Variants in DNAJC13 observed in about 807,000 individuals in gnomAD.
DNAJC13 encodes DnaJ heat shock protein family (Hsp40) member C13.
A neutral mutation model predicts 290.5 loss-of-function variants in DNAJC13; 75 were observed. That is an observed-to-expected ratio of 0.26 (90% CI 0.21 to 0.31). DNAJC13 has a LOEUF of 0.31. DNAJC13 is among the 10% of genes least tolerant of loss of function. The pLI is 1.00. For missense variants in DNAJC13, 2,260 were observed against 2,674.5 expected (o/e 0.85, Z 3.42); for synonymous variants, 862 against 892.0 (o/e 0.97, Z 0.60).
rs1933783425 is a variant in DNAJC13, at chr3:132,461,175, C to T, written c.1683C>T (p.Ser561=). ...ATATGCTCTTGGAGATGGTAGCATCCAATGGAAGAACCCTTTTTAAACTTT... is the reference window on the plus strand; with the variant it reads ...ATATGCTCTTGGAGATGGTAGCATCTAATGGAAGAACCCTTTTTAAACTTT... ...QFDMLLEMVA[S]NGRTLFKLFQ... is the part of the protein sequence containing the mutation. The change falls in exon 15 of 56, where the codon TCC becomes TCT. Residue 561 remains serine (S), a synonymous_variant. Transcript: ENST00000260818. The T allele has an allele frequency of 6.2e-7, 1 of 1,613,860 alleles. No homozygotes were observed. Among genetic ancestry groups the T allele is most frequent in the South Asian group, 1.1e-5 (1 of 91,082 alleles).
At chr3:132,442,811 G>A (rs1933116168) in intron 2 of DNAJC13, among the ~76,000 whole-genome samples, 1 of 152,190 alleles carries the variant, frequency 6.6e-6, no homozygotes, top group South Asian at 2.1e-4. Context: ...AAAGAAAACA[G>A]GTGCAGTAGG....
At chr3:132,489,503 T>G (rs1178774468) in intron 31 of DNAJC13, among the ~76,000 whole-genome samples, 1 of 151,928 alleles carries the variant, frequency 6.6e-6, no homozygotes, top group African/African-American at 2.4e-5. Flanking sequence ...AAAAAAAAAC[T>G]TATTTAGGTA....
At chr3:132,451,587 C>T (rs1440448169) in intron 6 of DNAJC13, among the ~76,000 whole-genome samples, 7 of 151,882 alleles carry the variant, frequency 4.6e-5, no homozygotes, top group South Asian at 2.1e-4. Context: ...CAAAGATGTG[C>T]GGTAGAGAAA....
chr3:132,506,781 A>G (rs987981924), intron 42 of DNAJC13, among the ~76,000 whole-genome samples: 4 of 151,106 alleles, frequency 2.6e-5, no homozygotes, highest in Non-Finnish European at 5.9e-5. Flanking sequence ...CGATCTCTTG[A>G]CCTCATGATC....
Position 132,502,301 on chromosome 3 carries a change from G to T in DNAJC13, c.4549G>T (p.Val1517Leu), listed in dbSNP as rs772420158. 1.3e-5 allele frequency: 21 copies of T among 1,610,278 alleles called. No individual in the cohort carries two copies. The South Asian group carries it at 2.1e-4, about 16-fold the overall frequency. Reference protein sequence around the residue: ...VLYFGKSIPRVAALGVECVSS... With the variant: ...VLYFGKSIPRLAALGVECVSS... ...TTTATTCTCTCAGAGTATTCCCCGC[G>T]TAGCTGCTCTTGGGGTAGAATGTGT... The change falls in exon 40 of 56, where the codon GTA becomes TTA. Residue 1517 changes from valine to leucine, a missense_variant. Coordinates refer to ENST00000260818, the MANE Select transcript of DNAJC13 (RefSeq NM_015268.4).
intron 29 of DNAJC13, among the ~76,000 whole-genome samples, chr3:132,486,176 C>T (rs1262498162): frequency 8.1e-6 from 1 of 122,884 alleles, no homozygotes; most frequent in African/African-American, 3.1e-5. Context: ...GTGGACATTT[C>T]CATTCGTATC....
rs777432126 is a variant in DNAJC13, at chr3:132,456,334, G to T, written c.1032G>T (p.Gly344=). ...CAACCCATAAAGGTCAGCGATGGGG[G>T]TTACTCAGCATGCCTGTTGATGAGG... The part of the protein sequence containing the change: ...MTPTHKGQRW[G]LLSMPVDEEV... Residue 344 remains glycine, a synonymous_variant, in exon 10 of 56, where the codon GGG becomes GGT. Transcript: ENST00000260818. 6.2e-7 allele frequency: 1 copy of T among 1,614,002 alleles called. No individual in the cohort carries two copies. Among genetic ancestry groups the T allele is most frequent in the East Asian group, 2.2e-5 (1 of 44,876 alleles).
chr3:132,460,228 GT>G (rs57140786), intron 13 of DNAJC13, 21 bp from the exon 14 acceptor site: 200,612 of 1,191,582 alleles, frequency 0.17, 7,468 homozygotes, highest in East Asian at 0.49. Flanking sequence ...AATTATCACT[GT>G]TTTTTTTTTT....
intron 55 of DNAJC13, among the ~76,000 whole-genome samples, chr3:132,536,651 G>T (rs1219729762): frequency 6.6e-6 from 1 of 152,166 alleles, no homozygotes; most frequent in Non-Finnish European, 1.5e-5. Flanking sequence ...GGATGGTTTT[G>T]CAGTAATCAT....
Position 132,454,048 on chromosome 3 carries a change from T to C in DNAJC13, c.841-18T>C. 6.4e-7 allele frequency: 1 copy of C among 1,555,736 alleles called. No individual in the cohort carries two copies. Among genetic ancestry groups the C allele is most frequent in the Non-Finnish European group, 8.7e-7 (1 of 1,150,974 alleles). On this transcript the variant is annotated intron_variant, in intron 8 of 55. Coordinates refer to ENST00000260818, the MANE Select transcript of DNAJC13 (RefSeq NM_015268.4). The stretch of plus-strand genomic sequence containing the variant: ...ATAAACTTTTTTTTGTTGAAGCTAT[T>C]TTTTGTTTTTTCATTAGGTATTTGC...
At chr3:132,528,059 A>T in intron 53 of DNAJC13, 130 bp from the exon 54 acceptor site, 1 of 894,964 alleles carries the variant, frequency 1.1e-6, no homozygotes, top group Non-Finnish European at 1.7e-6. Flanking sequence ...TAGATACTTA[A>T]GCCTGTGTAT....
intron 1 of DNAJC13, among the ~76,000 whole-genome samples, chr3:132,418,059 C>G (rs578036498): frequency 6.6e-6 from 1 of 152,262 alleles, no homozygotes; most frequent in South Asian, 2.1e-4. Flanking sequence ...CCTTACCCCA[C>G]AGGCTCTTCA....
chr3:132,432,202 G>GTTTTT (rs1939258288), intron 1 of DNAJC13, among the ~76,000 whole-genome samples: 1 of 151,708 alleles, frequency 6.6e-6, no homozygotes, highest in African/African-American at 2.4e-5. Context: ...GTTTTGTTTT[G>GTTTTT]TTTTTGTTTT....
intron 14 of DNAJC13, 80 bp downstream of exon 14, chr3:132,460,437 T>G: frequency 5.5e-6 from 1 of 182,900 alleles, no homozygotes; most frequent in Non-Finnish European, 1.0e-5. Flanking sequence ...ACGTGGATGA[T>G]TTTTTTTTTT....
Position 132,483,647 on chromosome 3 carries a change from G to C in DNAJC13, c.3182+70G>C, listed in dbSNP as rs894726962. The C allele has an allele frequency of 1.1e-5, 16 of 1,482,758 alleles. No individual in the cohort carries two copies. In the African/African-American group the frequency reaches 2.1e-4, roughly 19 times the overall value. The allele number at this position is 1,482,758 out of a possible 1,614,324, so 91.9% of individuals were successfully genotyped here. ...TTAGTAACAGCATAGAATCGGTCTG[G>C]TGTTTTAAAACAAAGATGTCCTATT... On this transcript the variant is annotated intron_variant, in intron 28 of 55. Coordinates refer to ENST00000260818, the MANE Select transcript of DNAJC13 (RefSeq NM_015268.4).
chr3:132,431,876 T>TG (rs1423043728), intron 1 of DNAJC13, among the ~76,000 whole-genome samples: 1 of 152,072 alleles, frequency 6.6e-6, no homozygotes, highest in Non-Finnish European at 1.5e-5. Flanking sequence ...TGAGGTATAA[T>TG]GGGGGGTGAC....
In DNAJC13 at chr3:132,525,795, G is replaced by A; in HGVS notation, c.6240+6G>A. 6.2e-7 allele frequency: 1 copy of A among 1,613,354 alleles called. No homozygotes were observed. Among genetic ancestry groups the A allele is most frequent in the South Asian group, 1.1e-5 (1 of 90,972 alleles). On this transcript the variant is annotated splice_donor_region_variant and intron_variant, in intron 52 of 55. Transcript: ENST00000260818. ...ATGCCTTGTCTGAAAATGAGGTATT[G>A]ATGAATACACTTAGTAGTTTATAAG...
chr3:132,456,558 T>C lies in DNAJC13; in HGVS notation c.1157T>C (p.Val386Ala). 6.2e-7 allele frequency: 1 copy of C among 1,613,960 alleles called. No individual in the cohort carries two copies. Among genetic ancestry groups the C allele is most frequent in the Non-Finnish European group, 8.5e-7 (1 of 1,179,900 alleles). The change falls in exon 11 of 56, where the codon GTC (valine) becomes GCC (alanine). Residue 386 changes from valine to alanine, a missense_variant. This residue lies in a region of DNAJC13 where 762 missense variants were observed against 964.1 expected (regional missense o/e 0.79). Coordinates refer to ENST00000260818, the MANE Select transcript of DNAJC13 (RefSeq NM_015268.4). Reference sequence around the variant, plus strand: ...AATGCTAATATTTCATACAGTGGAGTCCTACATGCAGTAACACAAGATGTA... The same window carrying C: ...AATGCTAATATTTCATACAGTGGAGCCCTACATGCAGTAACACAAGATGTA... ...RFNANISYSGVLHAVTQDGLF... is the reference protein window; with the variant it reads ...RFNANISYSGALHAVTQDGLF...
At chr3:132,462,603 C>T (rs1346355320) in intron 16 of DNAJC13, 80 bp downstream of exon 16, 12 of 998,692 alleles carry the variant, frequency 1.2e-5, no homozygotes, top group Non-Finnish European at 1.8e-5. Context: ...TATTGCCTTT[C>T]AGTCTTTTTG....
Sources: gnomAD v4.1 joint callset for allele counts (sites outside exome capture counted in the v4.1 genomes callset) on GRCh38, gnomAD v4.1.1 for gene constraint, gnomAD v4.1.1 regional missense constraint, MANE v1.5 for transcripts, NCBI Gene and HGNC (gene_info 2026-07-23, HGNC 2026-07-21) for gene names.